Variants in DTNA observed in about 807,000 individuals in gnomAD.
DTNA encodes dystrobrevin alpha.
A neutral mutation model predicts 100.7 loss-of-function variants in DTNA; 43 were observed. That is an observed-to-expected ratio of 0.43 (90% CI 0.33 to 0.55). DTNA has a LOEUF of 0.55. Among genes scored for constraint, DTNA ranks in the 20% least tolerant of loss-of-function variants. The pLI is 0.04. For missense variants in DTNA, 798 were observed against 953.9 expected (o/e 0.84, Z 2.15); for synonymous variants, 349 against 347.9 (o/e 1.00, Z -0.04).
upstream of DTNA, among the ~76,000 whole-genome samples, chr18:34,706,422 T>C (rs1409353330): frequency 6.6e-6 from 1 of 152,184 alleles, no homozygotes; most frequent in Non-Finnish European, 1.5e-5. Context: ...TACAAGTTTT[T>C]ATTATTAAGT....
At chr18:34,648,244 T>C (rs997128877) in intron 1 of DTNA, among the ~76,000 whole-genome samples, 3 of 152,174 alleles carry the variant, frequency 2.0e-5, no homozygotes, top group Non-Finnish European at 4.4e-5. Context: ...GCAAGGTTTA[T>C]AACGTATGTC....
At chr18:34,709,064 GT>G (rs1568275708), upstream of DTNA, among the ~76,000 whole-genome samples, 1 of 152,108 alleles carries the variant, frequency 6.6e-6, no homozygotes, top group East Asian at 1.9e-4. Context: ...GAAAAATTCT[GT>G]GCAGATCTCT....
intron 11 of DTNA, among the ~76,000 whole-genome samples, chr18:34,834,300 A>G (rs889173091): frequency 6.6e-6 from 1 of 151,986 alleles, no homozygotes; most frequent in African/African-American, 2.4e-5. Context: ...GTTTGAGACC[A>G]GCCTGGCCAA....
chr18:34,739,422 T>C (rs531918437), intron 1 of DTNA, among the ~76,000 whole-genome samples: 1 of 152,310 alleles, frequency 6.6e-6, no homozygotes, highest in East Asian at 1.9e-4. Flanking sequence ...CTCATTTGCT[T>C]GCCTGCTTTG....
intron 1 of DTNA, among the ~76,000 whole-genome samples, chr18:34,552,750 G>A (rs1275623869): frequency 3.3e-5 from 5 of 151,184 alleles, no homozygotes; most frequent in Admixed American, 1.3e-4. Context: ...GTGTATATGT[G>A]CCACATTTCC....
At chr18:34,848,215 G>A in intron 13 of DTNA, 81 bp from the exon 14 acceptor site, 2 of 1,390,910 alleles carry the variant, frequency 1.4e-6, no homozygotes, top group Non-Finnish European at 2.0e-6. Context: ...CATTGAAATA[G>A]TAAAAACTCC....
intron 1 of DTNA, among the ~76,000 whole-genome samples, chr18:34,645,695 G>C (rs554725352): frequency 2.4e-4 from 37 of 152,188 alleles, no homozygotes; most frequent in Non-Finnish European, 5.0e-4. Flanking sequence ...GAATATTATT[G>C]AAGTAAATAG....
Position 34,726,009 on chromosome 18 carries a change from AAC to A in DTNA, c.-2+15567_-2+15568del, listed in dbSNP as rs539305107. Among the ~76,000 whole-genome samples the A allele has an allele frequency of 7.9e-5, 12 of 152,296 alleles. No homozygotes were observed. In the South Asian group the frequency reaches 2.3e-3, roughly 29 times the overall value. Reference sequence around the variant, plus strand: ...AACGTAACAGAAGAAGAGAAAACCAAACACTGCATGTTCTCACTCATAAGTGG... The same window carrying A: ...AACGTAACAGAAGAAGAGAAAACCAAACTGCATGTTCTCACTCATAAGTGG... On this transcript the variant is annotated intron_variant, in intron 1 of 22. Coordinates refer to ENST00000444659, the MANE Select transcript of DTNA (RefSeq NM_001386795.1).
At chr18:34,753,451 C>T (rs1183284069) in intron 1 of DTNA, among the ~76,000 whole-genome samples, 3 of 137,278 alleles carry the variant, frequency 2.2e-5, no homozygotes, top group Non-Finnish European at 4.6e-5. Context: ...GGCGGGATCT[C>T]GGCTCACTGC....
intron 3 of DTNA, among the ~76,000 whole-genome samples, chr18:34,768,217 G>C (rs1289138113): frequency 6.6e-6 from 1 of 152,104 alleles, no homozygotes. Context: ...GTCCTCCTTA[G>C]AGCTTTGCCA....
chr18:34,727,511 G>T (rs1452133954), intron 1 of DTNA, among the ~76,000 whole-genome samples: 1 of 152,020 alleles, frequency 6.6e-6, no homozygotes, highest in Non-Finnish European at 1.5e-5. Context: ...CAACAATGAA[G>T]AACAAGTTAA....
intron 13 of DTNA, among the ~76,000 whole-genome samples, chr18:34,846,390 C>T (rs2096378745): frequency 6.6e-6 from 1 of 152,066 alleles, no homozygotes. Flanking sequence ...TATTTTTGAG[C>T]ACCTCATGTG....
intron 1 of DTNA, among the ~76,000 whole-genome samples, chr18:34,669,074 G>T (rs2076361906): frequency 6.6e-6 from 1 of 152,138 alleles, no homozygotes; most frequent in Non-Finnish European, 1.5e-5. Flanking sequence ...TCTCTTTGTA[G>T]GTCTCTAAGG....
rs60241705 is a variant in DTNA at position 34,538,014 on chromosome 18, G to A, written c.-2+44500G>A. On this transcript the variant is annotated intron_variant, in intron 1 of 19. Transcript: ENST00000283365. ...AGTACAATATATTTTAAAAATAAGT[G>A]TAAGAAATAAATTCATTCACTATAC... Among the ~76,000 whole-genome samples, 1,420 of 152,076 alleles carry A rather than the reference G, an allele frequency of 9.3e-3. 31 individuals carry two copies. The highest frequency in any genetic ancestry group is 0.032 in the African/African-American group (1,345 of 41,538).
intron 1 of DTNA, among the ~76,000 whole-genome samples, chr18:34,532,294 A>G (rs2043216325): frequency 6.6e-6 from 1 of 152,110 alleles, no homozygotes; most frequent in Non-Finnish European, 1.5e-5. Flanking sequence ...AAAAATAATA[A>G]TGGGGAAGAA....
intron 20 of DTNA, among the ~76,000 whole-genome samples, chr18:34,881,437 CTTTTT>C (rs752828928): frequency 5.4e-4 from 28 of 51,400 alleles, no homozygotes; most frequent in African/African-American, 2.2e-3. Context: ...AATTAAAATG[CTTTTT>C]TTTTTTTTTT....
chr18:34,522,828 C>T (rs1365253614), intron 1 of DTNA, among the ~76,000 whole-genome samples: 6 of 152,212 alleles, frequency 3.9e-5, no homozygotes, highest in African/African-American at 1.4e-4. Flanking sequence ...CCAATGGGCA[C>T]TTTGCCATCA....
intron 5 of DTNA, among the ~76,000 whole-genome samples, chr18:34,810,383 C>T (rs1435901071): frequency 6.6e-6 from 1 of 151,826 alleles, no homozygotes; most frequent in African/African-American, 2.4e-5. Flanking sequence ...TCATTTGAGG[C>T]AACAGGGATG....
chr18:34,742,099 A>G (rs1272544905), intron 1 of DTNA, among the ~76,000 whole-genome samples: 1 of 152,192 alleles, frequency 6.6e-6, no homozygotes, highest in Non-Finnish European at 1.5e-5. Context: ...TTAGGGAGGT[A>G]GTGCAGCCTG....
Sources: allele counts gnomAD v4.1 joint callset (sites outside exome capture counted in the v4.1 genomes callset), GRCh38; gene constraint gnomAD v4.1.1; transcripts MANE v1.5; gene names NCBI Gene and HGNC (gene_info 2026-07-23, HGNC 2026-07-21).